BCAS3: variants seen among roughly 807,000 people sequenced by gnomAD.
BCAS3 encodes BCAS4/BCAS3 fusion.
In BCAS3, 53 loss-of-function variants were observed where a neutral mutation model predicts 116.1. The ratio of observed to expected loss-of-function variants is 0.46; its 90% CI spans 0.37 to 0.57. The LOEUF (loss-of-function observed/expected upper bound fraction) is 0.57. Ranked by LOEUF, BCAS3 falls within the 20% of genes least tolerant of loss-of-function variation. The pLI, the probability that BCAS3 is intolerant of heterozygous loss-of-function variation, is 0.00. For missense variants in BCAS3, 917 were observed against 1,165.4 expected (o/e 0.79, Z 3.10); for synonymous variants, 391 against 408.2 (o/e 0.96, Z 0.51).
At chr17:60,871,611 T>G (rs1465572951) in intron 8 of BCAS3, among the ~76,000 whole-genome samples, 1 of 151,570 alleles carries the variant, frequency 6.6e-6, no homozygotes, top group African/African-American at 2.4e-5. Flanking sequence ...TTTTTGTTTT[T>G]TTTTTTTTTG....
chr17:61,388,754 G>A lies in BCAS3; in HGVS notation c.2594-3223G>A, dbSNP rs367794031. 112 of 1,512,000 alleles carry A rather than the reference G, an allele frequency of 7.4e-5. 1 individual carries two copies. In the African/African-American group the frequency reaches 7.6e-4, roughly 10 times the overall value. The allele number at this position is 1,512,000 out of a possible 1,614,324, so 93.7% of individuals were successfully genotyped here. A position where few individuals can be genotyped will look rare whatever the true frequency, so the allele number is the denominator to read the frequency against. ...TTGCCGCTTGCTCGTAGGGCTGGGC[G>A]GCCGGGATGACTTGGAGGGGGGAAT... On this transcript the variant is annotated intron_variant, in intron 23 of 23. Coordinates refer to ENST00000407086, the MANE Select transcript of BCAS3 (RefSeq NM_017679.5). The surrounding 1 kb of genome is among the most constrained non-coding windows in gnomAD (Gnocchi z 6.5).
intron 22 of BCAS3, among the ~76,000 whole-genome samples, chr17:61,089,508 T>A (rs982998544): frequency 8.7e-5 from 9 of 103,814 alleles, no homozygotes; most frequent in African/African-American, 3.7e-4. Flanking sequence ...GGAGTTTCAC[T>A]CTTTTTTTTT....
chr17:60,736,387 T>C (rs1270489414), intron 5 of BCAS3, among the ~76,000 whole-genome samples: 3 of 151,924 alleles, frequency 2.0e-5, no homozygotes, highest in Non-Finnish European at 2.9e-5. Context: ...TGTTTCTCCA[T>C]GTTGGCCAGG....
intron 19 of BCAS3, 101 bp downstream of exon 19, chr17:61,040,993 A>G (rs1472508755): frequency 6.3e-6 from 6 of 945,736 alleles, no homozygotes; most frequent in Admixed American, 2.1e-5. Flanking sequence ...TCCATAGGCC[A>G]TGGGCCTTAA....
chr17:61,178,421 C>T (rs906492268), intron 22 of BCAS3, among the ~76,000 whole-genome samples: 3 of 152,154 alleles, frequency 2.0e-5, no homozygotes, highest in African/African-American at 7.2e-5. Context: ...CTTCCATTAG[C>T]TTGACTAGAG....
At chr17:60,779,529 C>T (rs1258415465) in intron 6 of BCAS3, among the ~76,000 whole-genome samples, 2 of 152,058 alleles carry the variant, frequency 1.3e-5, no homozygotes, top group African/African-American at 2.4e-5. Context: ...GCCACAACGC[C>T]TAGCTAATTT....
intron 19 of BCAS3, among the ~76,000 whole-genome samples, chr17:61,048,696 A>T (rs2068569727): frequency 6.6e-6 from 1 of 151,868 alleles, no homozygotes; most frequent in South Asian, 2.1e-4. Flanking sequence ...TCAAACCCTC[A>T]CCTAGAGTTT....
chr17:60,890,995 G>A (rs954275885), intron 10 of BCAS3, among the ~76,000 whole-genome samples: 1 of 152,178 alleles, frequency 6.6e-6, no homozygotes, highest in African/African-American at 2.4e-5. Context: ...CCATAAATCT[G>A]TCTAACTACT....
intron 22 of BCAS3, among the ~76,000 whole-genome samples, chr17:61,264,506 C>T (rs1026277686): frequency 2.0e-5 from 3 of 151,468 alleles, no homozygotes; most frequent in Admixed American, 2.0e-4. Flanking sequence ...CCTCCTGGTG[C>T]AAGTGATTCT....
chr17:61,131,624 G>A lies in BCAS3; in HGVS notation c.2425+47060G>A, dbSNP rs1286270585. Among the ~76,000 whole-genome samples the A allele has an allele frequency of 6.6e-6, 1 of 152,158 alleles. No homozygotes were observed. The highest frequency in any genetic ancestry group is 2.4e-5 in the African/African-American group (1 of 41,432). Reference sequence around the variant, plus strand: ...TAAAGGCCTTTCTTCCTTGAGGTCTGTGAGCCTCCAGGCCTTTGCAGCCTG... The same window carrying A: ...TAAAGGCCTTTCTTCCTTGAGGTCTATGAGCCTCCAGGCCTTTGCAGCCTG... On this transcript the variant is annotated intron_variant, in intron 22 of 23. Transcript: ENST00000407086. The surrounding 1 kb of genome is among the most constrained non-coding windows in gnomAD (Gnocchi z 4.4).
At chr17:60,710,493 G>T (rs1440480870) in intron 5 of BCAS3, among the ~76,000 whole-genome samples, 1 of 148,870 alleles carries the variant, frequency 6.7e-6, no homozygotes, top group South Asian at 2.1e-4. Flanking sequence ...GTGCAGTGGC[G>T]CAATCTCGGC....
intron 19 of BCAS3, among the ~76,000 whole-genome samples, chr17:61,044,524 G>T (rs1396746633): frequency 6.7e-6 from 1 of 149,928 alleles, no homozygotes; most frequent in Admixed American, 6.6e-5. Context: ...GTGGTAAAAT[G>T]GGTTTTGTAA....
At chr17:61,242,199 C>G (rs2047581459) in intron 22 of BCAS3, among the ~76,000 whole-genome samples, 1 of 150,866 alleles carries the variant, frequency 6.6e-6, no homozygotes, top group African/African-American at 2.4e-5. Context: ...TTGCTTGAAC[C>G]TGGAAGGTGG....
chr17:60,994,245 G>C lies in BCAS3; in HGVS notation c.1486+4010G>C, dbSNP rs1165083740. 6.6e-6 allele frequency among the ~76,000 whole-genome samples: 1 copy of C among 151,726 alleles called. No individual in the cohort carries two copies. The highest frequency in any genetic ancestry group is 1.5e-5 in the Non-Finnish European group (1 of 67,922). On this transcript the variant is annotated intron_variant, in intron 15 of 23. Transcript: ENST00000407086. This position sits in a 1 kb window ranked among gnomAD's most constrained non-coding sequence, Gnocchi z 4.4. ...TATTGTTTTTACTCATCACTACTTTGAAATTATGATTATATAATATTTTAG... is the reference window on the plus strand; with the variant it reads ...TATTGTTTTTACTCATCACTACTTTCAAATTATGATTATATAATATTTTAG...
chr17:61,324,664 C>T lies in BCAS3; in HGVS notation c.2426-43663C>T, dbSNP rs2055580787. Among the ~76,000 whole-genome samples the T allele has an allele frequency of 6.6e-6, 1 of 152,150 alleles. No homozygotes were observed. The highest frequency in any genetic ancestry group is 6.5e-5 in the Admixed American group (1 of 15,278). Reference sequence around the variant, plus strand: ...CCAGCCACTAGCTGTTTGACCTTGGCTGAGTCATTTCCTCTCCCTCATCTC... The same window carrying T: ...CCAGCCACTAGCTGTTTGACCTTGGTTGAGTCATTTCCTCTCCCTCATCTC... On this transcript the variant is annotated intron_variant, in intron 22 of 23. Coordinates refer to ENST00000407086, the MANE Select transcript of BCAS3 (RefSeq NM_017679.5). This position sits in a 1 kb window ranked among gnomAD's most constrained non-coding sequence, Gnocchi z 4.6.
At position 61,199,628 on chromosome 17, in the gene BCAS3, G is replaced by A. The variant is rs1031018501; in HGVS notation, c.2425+115064G>A. ...TTATTCAAGAAATACTTGCAAGGTG[G>A]ACAATGTTAACTTTGAACAGTGAAC... On this transcript the variant is annotated intron_variant, in intron 22 of 23. Coordinates refer to ENST00000407086, the MANE Select transcript of BCAS3 (RefSeq NM_017679.5). This position sits in a 1 kb window ranked among gnomAD's most constrained non-coding sequence, Gnocchi z 4.6. 4.6e-5 allele frequency among the ~76,000 whole-genome samples: 7 copies of A among 152,164 alleles called. No homozygotes were observed. The highest frequency in any genetic ancestry group is 1.0e-4 in the Non-Finnish European group (7 of 68,026).
intron 7 of BCAS3, among the ~76,000 whole-genome samples, chr17:60,857,739 G>T (rs2053800941): frequency 6.6e-6 from 1 of 152,152 alleles, no homozygotes; most frequent in African/African-American, 2.4e-5. Flanking sequence ...TGTGTTATTG[G>T]CAGGAAACGT....
At chr17:60,726,204 ATT>A (rs111326766) in intron 5 of BCAS3, among the ~76,000 whole-genome samples, 8 of 109,554 alleles carry the variant, frequency 7.3e-5, no homozygotes, top group Admixed American at 3.1e-4. Flanking sequence ...CAGAGGGAGG[ATT>A]TTTTTTTTTT....
At chr17:60,701,846 C>T (rs113800631) in intron 4 of BCAS3, among the ~76,000 whole-genome samples, 2,056 of 149,956 alleles carry the variant, frequency 0.014, 51 homozygotes, top group African/African-American at 0.047. Flanking sequence ...TGGTGGCACA[C>T]GCCTGTAATC....
Sources: allele counts gnomAD v4.1 joint callset (sites outside exome capture counted in the v4.1 genomes callset), GRCh38; gene constraint gnomAD v4.1.1; non-coding constraint Gnocchi (gnomAD v3.1); transcripts MANE v1.5; gene names NCBI Gene and HGNC (gene_info 2026-07-23, HGNC 2026-07-21).